GNG2: variants seen among roughly 807,000 people sequenced by gnomAD.
GNG2 encodes guanine nucleotide-binding protein G(I)/G(S)/G(O) subunit gamma-2.
A neutral mutation model predicts 5.5 loss-of-function variants in GNG2; 5 were observed. That is an observed-to-expected ratio of 0.91 (90% CI 0.48 to 1.92). The LOEUF (loss-of-function observed/expected upper bound fraction) is 1.92, where lower values mean the gene tolerates loss of function less well. GNG2 is among the 30% of genes most tolerant of loss of function. GNG2 has a pLI of 0.01. For missense variants in GNG2, 55 were observed against 88.4 expected (o/e 0.62, Z 1.52); for synonymous variants, 28 against 32.0 (o/e 0.88, Z 0.42).
chr14:51,901,594 T>C (rs1269082355), intron 2 of GNG2, among the ~76,000 whole-genome samples: 2 of 152,072 alleles, frequency 1.3e-5, no homozygotes, highest in African/African-American at 4.8e-5. Flanking sequence ...AGCATAGATA[T>C]TGACAGCCCC....
chr14:51,857,904 C>T (rs887514712), upstream of GNG2, among the ~76,000 whole-genome samples: 13 of 152,192 alleles, frequency 8.5e-5, no homozygotes, highest in African/African-American at 3.1e-4. Context: ...CTCCAAGGAA[C>T]ATCCAGCTAG....
chr14:51,926,893 A>G (rs895097046), intron 2 of GNG2, among the ~76,000 whole-genome samples: 42 of 152,198 alleles, frequency 2.8e-4, no homozygotes, highest in Non-Finnish European at 6.0e-4. Context: ...GCCCTACAAC[A>G]ATGTTTTGTC....
intron 2 of GNG2, among the ~76,000 whole-genome samples, chr14:51,846,759 C>T (rs562191259): frequency 2.6e-5 from 4 of 152,290 alleles, no homozygotes; most frequent in East Asian, 1.9e-4. Context: ...TTCCAGTCTT[C>T]CCTCCCATGT....
intron 3 of GNG2, among the ~76,000 whole-genome samples, chr14:51,962,440 T>C (rs931115936): frequency 2.0e-5 from 3 of 152,166 alleles, no homozygotes; most frequent in African/African-American, 7.2e-5. Context: ...ATATTTATAA[T>C]GAGAGGAAAT....
intron 2 of GNG2, among the ~76,000 whole-genome samples, chr14:51,949,805 A>G (rs994396160): frequency 1.3e-5 from 2 of 152,208 alleles, no homozygotes; most frequent in African/African-American, 2.4e-5. Flanking sequence ...AAGATGAACA[A>G]TAATAATAAA....
intron 2 of GNG2, among the ~76,000 whole-genome samples, chr14:51,839,933 C>T (rs541572942): frequency 2.4e-4 from 36 of 148,466 alleles, no homozygotes; most frequent in African/African-American, 8.4e-4. Context: ...AGATCTCCAA[C>T]AGTCTTGCAA....
At chr14:51,903,213 T>C (rs1594895401) in intron 2 of GNG2, among the ~76,000 whole-genome samples, 1 of 152,368 alleles carries the variant, frequency 6.6e-6, no homozygotes, top group East Asian at 1.9e-4. Flanking sequence ...TATGTAATCA[T>C]TTCAAGTGAT....
At chr14:51,888,723 A>G (rs1351981384) in intron 2 of GNG2, among the ~76,000 whole-genome samples, 2 of 152,232 alleles carry the variant, frequency 1.3e-5, no homozygotes, top group Non-Finnish European at 2.9e-5. Context: ...AAATGCAGAT[A>G]TAATAGTAAT....
At chr14:51,866,605 T>A (rs781242214) in intron 1 of GNG2, among the ~76,000 whole-genome samples, 11 of 151,994 alleles carry the variant, frequency 7.2e-5, no homozygotes, top group Non-Finnish European at 1.5e-4. Context: ...GGCTGGAAAG[T>A]CCAAGATCAA....
chr14:51,854,056 T>C (rs1566645785), intron 2 of GNG2, among the ~76,000 whole-genome samples: 1 of 152,042 alleles, frequency 6.6e-6, no homozygotes, highest in Non-Finnish European at 1.5e-5. Context: ...GTATTTTTAG[T>C]AGAGATGTGG....
intron 2 of GNG2, among the ~76,000 whole-genome samples, chr14:51,878,755 A>C (rs1314672998): frequency 6.6e-6 from 1 of 152,194 alleles, no homozygotes; most frequent in Non-Finnish European, 1.5e-5. Flanking sequence ...TGACCTATAC[A>C]TGTATAGCTT....
intron 2 of GNG2, among the ~76,000 whole-genome samples, chr14:51,838,024 C>T (rs2140074917): frequency 6.6e-6 from 1 of 152,010 alleles, no homozygotes; most frequent in East Asian, 1.9e-4. Context: ...CAGATAATCA[C>T]CCCCTCAGGT....
At chr14:51,834,058 A>G (rs553697526) in intron 2 of GNG2, among the ~76,000 whole-genome samples, 4 of 152,342 alleles carry the variant, frequency 2.6e-5, no homozygotes, top group Non-Finnish European at 5.9e-5. Flanking sequence ...TTTCTAGAAA[A>G]GACCAAAAAA....
chr14:51,932,055 G>A (rs1269026411), intron 2 of GNG2, among the ~76,000 whole-genome samples: 2 of 151,808 alleles, frequency 1.3e-5, no homozygotes, highest in Non-Finnish European at 2.9e-5. Flanking sequence ...GACCATCCTG[G>A]CTAACATGGT....
intron 3 of GNG2, among the ~76,000 whole-genome samples, chr14:51,964,786 G>A (rs1054288832): frequency 2.0e-5 from 3 of 152,192 alleles, no homozygotes; most frequent in South Asian, 2.1e-4. Context: ...TGAGGCGGGA[G>A]GATGGCTTGA....
intron 2 of GNG2, among the ~76,000 whole-genome samples, chr14:51,829,845 CTTT>C (rs35713457): frequency 8.0e-5 from 11 of 137,834 alleles, no homozygotes; most frequent in East Asian, 4.1e-4. Flanking sequence ...CCTACTTCTT[CTTT>C]TTTTTTTTTT....
chr14:51,848,874 G>T lies in GNG2; in HGVS notation c.64+21067G>T, dbSNP rs578048453. ...AAGAATGCTGAGGAATAGACACACT[G>T]ACCTCACTTTCTACCCGCTGGTCTA... is the stretch of plus-strand genomic sequence containing the variant. On this transcript the variant is annotated intron_variant, in intron 2 of 3. Transcript: ENST00000553432. Among the ~76,000 whole-genome samples the T allele has an allele frequency of 1.3e-3, 203 of 152,320 alleles. 6 individuals carry two copies. In the South Asian group the frequency reaches 0.04, roughly 30 times the overall value.
rs369786268 is a variant in GNG2, at chr14:51,949,678, G to A, written c.-29-972G>A. ...CCAATAGGATATCAGTGATCTCAAGGAGCATATTTACACAGGTAGTCCTAA... is the reference window on the plus strand; with the variant it reads ...CCAATAGGATATCAGTGATCTCAAGAAGCATATTTACACAGGTAGTCCTAA... On this transcript the variant is annotated intron_variant, in intron 2 of 3. Coordinates refer to ENST00000556766, the MANE Select transcript of GNG2 (RefSeq NM_053064.5). Among the ~76,000 whole-genome samples the A allele has an allele frequency of 7.9e-5, 12 of 152,252 alleles. No homozygotes were observed. In the East Asian group the frequency reaches 1.4e-3, roughly 17 times the overall value.
intron 2 of GNG2, among the ~76,000 whole-genome samples, chr14:51,934,475 C>T (rs945272044): frequency 1.3e-5 from 2 of 152,176 alleles, no homozygotes; most frequent in Admixed American, 6.5e-5. Flanking sequence ...AATAAAACTA[C>T]AATCGGCCTC....
Sources: allele counts gnomAD v4.1 joint callset (sites outside exome capture counted in the v4.1 genomes callset), GRCh38; gene constraint gnomAD v4.1.1; transcripts MANE v1.5; gene names NCBI Gene and HGNC (gene_info 2026-07-23, HGNC 2026-07-21).